Variants in CEMIP observed in about 807,000 individuals in gnomAD.
CEMIP encodes cell migration-inducing and hyaluronan-binding protein.
Under a neutral mutation model 156.9 loss-of-function variants are expected in CEMIP, and 105 were observed. That is an observed-to-expected ratio of 0.67 (90% CI 0.57 to 0.79). The LOEUF is 0.79. CEMIP is among the 30% of genes least tolerant of loss of function. The pLI, the probability that CEMIP is intolerant of heterozygous loss-of-function variation, is 0.00. For missense variants in CEMIP, 1,457 were observed against 1,769.4 expected (o/e 0.82, Z 3.17); for synonymous variants, 676 against 668.4 (o/e 1.01, Z -0.17).
intron 12 of CEMIP, among the ~76,000 whole-genome samples, chr15:80,904,138 C>A (rs904506276): frequency 6.6e-6 from 1 of 152,220 alleles, no homozygotes; most frequent in East Asian, 1.9e-4. Flanking sequence ...GGGCACAGAG[C>A]TTTTTGGCAT....
chr15:80,896,336 C>A, intron 12 of CEMIP: 1 of 597,418 alleles, frequency 1.7e-6, no homozygotes, highest in South Asian at 1.5e-5. Flanking sequence ...AAAACATATT[C>A]TTCTCACGGG....
At chr15:80,802,906 C>T (rs62006885) in intron 1 of CEMIP, among the ~76,000 whole-genome samples, 54,297 of 152,106 alleles carry the variant, frequency 0.36, 10,804 homozygotes, top group Non-Finnish European at 0.46. Flanking sequence ...ACTGGGATCT[C>T]TTGTCAGAGA....
intron 16 of CEMIP, 65 bp downstream of exon 16, chr15:80,921,166 G>A (rs1403921366): frequency 7.1e-6 from 10 of 1,407,242 alleles, no homozygotes; most frequent in Middle Eastern, 2.1e-4. Context: ...GGAGACAGCC[G>A]AGGCTTACCT....
intron 7 of CEMIP, among the ~76,000 whole-genome samples, chr15:80,885,016 C>A (rs1473916866): frequency 6.6e-6 from 1 of 152,152 alleles, no homozygotes; most frequent in Non-Finnish European, 1.5e-5. Context: ...CAACCTATCA[C>A]CCCGGTATTA....
At chr15:80,876,715 AC>A (rs11356187) in intron 3 of CEMIP, among the ~76,000 whole-genome samples, 1,529 of 152,248 alleles carry the variant, frequency 0.01, 25 homozygotes, top group African/African-American at 0.034. Context: ...AAAGAGGACA[AC>A]TCAGTGTGGG....
chr15:80,945,481 G>C (rs896676874), intron 28 of CEMIP, among the ~76,000 whole-genome samples: 2 of 152,242 alleles, frequency 1.3e-5, no homozygotes, highest in East Asian at 3.8e-4. Flanking sequence ...TGAATCTAGA[G>C]TGGAGGATGT....
chr15:80,853,805 G>A (rs1012553682), intron 1 of CEMIP, among the ~76,000 whole-genome samples: 9 of 152,226 alleles, frequency 5.9e-5, no homozygotes, highest in Non-Finnish European at 8.8e-5. Context: ...GCATAGAACA[G>A]ACACTTTTAT....
chr15:80,859,318 A>C (rs1897928729), intron 1 of CEMIP, among the ~76,000 whole-genome samples: 1 of 152,182 alleles, frequency 6.6e-6, no homozygotes, highest in Admixed American at 6.5e-5. Context: ...TGGGCTCCTC[A>C]TTCATTTTGA....
At chr15:80,824,284 G>T (rs1336251001) in intron 1 of CEMIP, among the ~76,000 whole-genome samples, 2 of 152,176 alleles carry the variant, frequency 1.3e-5, no homozygotes, top group African/African-American at 2.4e-5. Flanking sequence ...CACAGCTGCA[G>T]CTCCCCCACC....
intron 3 of CEMIP, among the ~76,000 whole-genome samples, chr15:80,875,811 A>G (rs1898455932): frequency 6.6e-6 from 1 of 152,170 alleles, no homozygotes; most frequent in African/African-American, 2.4e-5. Flanking sequence ...CATACAAATG[A>G]AAAGCCACTG....
At chr15:80,820,987 T>C (rs888880141) in intron 1 of CEMIP, among the ~76,000 whole-genome samples, 1 of 152,222 alleles carries the variant, frequency 6.6e-6, no homozygotes, top group African/African-American at 2.4e-5. Context: ...ACCCAAAAGA[T>C]GCTTCAAAAT....
chr15:80,819,841 A>G (rs528944335), intron 1 of CEMIP, among the ~76,000 whole-genome samples: 1 of 152,250 alleles, frequency 6.6e-6, no homozygotes, highest in East Asian at 1.9e-4. Flanking sequence ...CAATAACCCT[A>G]TTTTGTGGAT....
intron 12 of CEMIP, among the ~76,000 whole-genome samples, chr15:80,900,372 G>C (rs1025033893): frequency 3.9e-5 from 6 of 152,116 alleles, no homozygotes; most frequent in African/African-American, 1.4e-4. Context: ...GAGGATAAGT[G>C]GAGAAGATCC....
chr15:80,933,372 C>A lies in CEMIP; in HGVS notation c.2921C>A (p.Thr974Lys). The A allele has an allele frequency of 6.2e-7, 1 of 1,614,152 alleles. No homozygotes were observed. Among genetic ancestry groups the A allele is most frequent in the Non-Finnish European group, 8.5e-7 (1 of 1,180,030 alleles). Residue 974 changes from threonine (T) to lysine (K), a missense_variant, in exon 23 of 30, where the codon ACG becomes AAG. Thr to Lys is a moderately conservative substitution (Grantham distance 78). Around this residue, in one of 5 missense-constraint regions of CEMIP, gnomAD observed 798 missense variants for 980.1 expected, o/e 0.81. Coordinates refer to ENST00000394685, the MANE Select transcript of CEMIP (RefSeq NM_001293298.2). ...TCCGAGTACCCTGGCTCCTACCTCACGAAGAATGACAACTGGCTGGTCCGG... is the reference window on the plus strand; with the variant it reads ...TCCGAGTACCCTGGCTCCTACCTCAAGAAGAATGACAACTGGCTGGTCCGG... ...SVSEYPGSYL[T>K]KNDNWLVRHP...
intron 18 of CEMIP, among the ~76,000 whole-genome samples, 157 bp downstream of exon 18, chr15:80,924,863 T>C (rs1900601632): frequency 6.6e-6 from 1 of 152,190 alleles, no homozygotes; most frequent in African/African-American, 2.4e-5. Flanking sequence ...GGTGAAAACC[T>C]GAGCAGGGTA....
chr15:80,905,552 G>GTGA (rs1419574753), intron 12 of CEMIP, among the ~76,000 whole-genome samples: 7 of 152,198 alleles, frequency 4.6e-5, no homozygotes, highest in Admixed American at 4.6e-4. Context: ...ATTGAGTGGA[G>GTGA]TGATGGGAGG....
intron 29 of CEMIP, chr15:80,948,255 G>A (rs137962365): frequency 1.0e-5 from 2 of 190,558 alleles, no homozygotes; most frequent in African/African-American, 4.6e-5. Context: ...CTGCAAGATG[G>A]AGAGTGCTGT....
At chr15:80,861,778 T>C (rs556629301) in intron 1 of CEMIP, among the ~76,000 whole-genome samples, 2 of 152,326 alleles carry the variant, frequency 1.3e-5, no homozygotes, top group East Asian at 3.9e-4. Flanking sequence ...ACTGATGAAG[T>C]GTTTATTGCT....
In CEMIP at chr15:80,876,427, C is replaced by G. The variant is rs1220897058; in HGVS notation, c.95-2294C>G. ...CCACTGATGAGCAAGCCCACGTCTT[C>G]CCACATTTTTTCCTTTTGTTGCCAC... On this transcript the variant is annotated intron_variant, in intron 3 of 29. Coordinates refer to ENST00000394685, the MANE Select transcript of CEMIP (RefSeq NM_001293298.2). Among the ~76,000 whole-genome samples, 4 of 152,250 alleles carry G rather than the reference C, an allele frequency of 2.6e-5. No individual in the cohort carries two copies. In the South Asian group the frequency reaches 8.3e-4, roughly 31 times the overall value.
Sources: allele counts gnomAD v4.1 joint callset (sites outside exome capture counted in the v4.1 genomes callset), GRCh38; gene constraint gnomAD v4.1.1; regional missense constraint gnomAD v4.1.1; transcripts MANE v1.5; gene names NCBI Gene and HGNC (gene_info 2026-07-23, HGNC 2026-07-21).